The following LIPA variants were observed in gnomAD, a reference collection of about 807,000 sequenced individuals.
LIPA encodes lysosomal acid lipase/cholesteryl ester hydrolase.
A neutral mutation model predicts 40.6 loss-of-function variants in LIPA; 26 were observed. That is an observed-to-expected ratio of 0.64 (90% CI 0.47 to 0.89). The LOEUF is 0.89. LIPA is among the 40% of genes least tolerant of loss of function. The probability of loss-of-function intolerance (pLI) is 0.00; values close to 1 mark genes in which losing one functional copy is unlikely to be tolerated. For synonymous variants in LIPA, 188 were observed against 168.4 expected (o/e 1.12, Z -0.90); for missense variants, 455 against 479.6 (o/e 0.95, Z 0.48).
At chr10:89,259,523 T>C (rs1564770965) in intron 1 of LIPA, among the ~76,000 whole-genome samples, 1 of 152,234 alleles carries the variant, frequency 6.6e-6, no homozygotes, top group Non-Finnish European at 1.5e-5. Context: ...ATATCTACCA[T>C]ATGGCCCAGC....
At chr10:89,228,130 G>T in intron 4 of LIPA, 70 bp downstream of exon 4, 2 of 1,327,116 alleles carry the variant, frequency 1.5e-6, no homozygotes, top group Middle Eastern at 1.8e-4. Context: ...TACCTCTTCT[G>T]CTGGAAGCCT....
At chr10:89,262,974 A>G (rs530399321) in intron 1 of LIPA, among the ~76,000 whole-genome samples, 1 of 152,348 alleles carries the variant, frequency 6.6e-6, no homozygotes, top group African/African-American at 2.4e-5. Flanking sequence ...ACATACTAAC[A>G]TGTTGCTGTT....
intron 1 of LIPA, among the ~76,000 whole-genome samples, chr10:89,323,786 T>C (rs1028147395): frequency 2.0e-5 from 3 of 152,106 alleles, no homozygotes; most frequent in African/African-American, 4.8e-5. Context: ...AAATCAGAGA[T>C]GACACAAACA....
chr10:89,298,635 C>T (rs1843428780), intron 1 of LIPA, among the ~76,000 whole-genome samples: 1 of 152,100 alleles, frequency 6.6e-6, no homozygotes, highest in South Asian at 2.1e-4. Flanking sequence ...ATGATACCTT[C>T]AAAGGAATAC....
At chr10:89,412,761 C>A in intron 2 of LIPA, 1 of 436,492 alleles carries the variant, frequency 2.3e-6, no homozygotes, top group South Asian at 1.6e-5. Context: ...TGCAGCTGCA[C>A]TCCTGAAGTC....
intron 7 of LIPA, 126 bp downstream of exon 7, chr10:89,223,558 G>T: frequency 1.2e-6 from 1 of 832,258 alleles, no homozygotes; most frequent in Non-Finnish European, 2.0e-6. Context: ...TCATGCTTGT[G>T]CCTCTCAAAT....
Position 89,214,910 on chromosome 10 carries a change from T to C in LIPA, c.1118A>G (p.Glu373Gly). Residue 373 changes from glutamate (E) to glycine (G), a missense_variant, in exon 10 of 10, where the codon GAG becomes GGG. Coordinates refer to ENST00000336233, the MANE Select transcript of LIPA (RefSeq NM_000235.4). Reference protein sequence around the residue: ...LVFHESIPEWEHLDFIWGLDA... With the variant: ...LVFHESIPEWGHLDFIWGLDA... Reference sequence around the variant, plus strand: ...CAGGCCCCAAATGAAGTCAAGATGCTCCCATTCCGGAATGCTCTCATGGAA... The same window carrying C: ...CAGGCCCCAAATGAAGTCAAGATGCCCCCATTCCGGAATGCTCTCATGGAA... The C allele has an allele frequency of 6.2e-7, 1 of 1,614,092 alleles. No individual in the cohort carries two copies.
intron 2 of LIPA, among the ~76,000 whole-genome samples, chr10:89,408,112 C>T (rs906411994): frequency 7.2e-5 from 11 of 152,140 alleles, no homozygotes; most frequent in Admixed American, 2.6e-4. Context: ...AGAAGGAAAA[C>T]ACTCAGGTAT....
At position 89,403,465 on chromosome 10, in the gene LIPA, A is replaced by G. The variant is rs762138107; in HGVS notation, c.61+9326T>C. On this transcript the variant is annotated intron_variant, in intron 2 of 8. Coordinates refer to the LIPA transcript ENST00000371837. Reference sequence around the variant, plus strand: ...GAATTTCAAAAGAAATCTGACGTCAATGCAATTATCCATTATTTAAAAGCT... The same window carrying G: ...GAATTTCAAAAGAAATCTGACGTCAGTGCAATTATCCATTATTTAAAAGCT... The G allele has an allele frequency of 1.6e-5, 26 of 1,613,364 alleles. No homozygotes were observed. The highest frequency in any genetic ancestry group is 6.6e-5 in the South Asian group (6 of 90,926).
At chr10:89,216,384 C>T (rs1842626485) in intron 8 of LIPA, among the ~76,000 whole-genome samples, 1 of 148,822 alleles carries the variant, frequency 6.7e-6, no homozygotes, top group Non-Finnish European at 1.5e-5. Flanking sequence ...TAAAGGTAGA[C>T]AGATAGGTAG....
chr10:89,299,172 C>G (rs1843431553), intron 1 of LIPA, among the ~76,000 whole-genome samples: 1 of 151,472 alleles, frequency 6.6e-6, no homozygotes, highest in African/African-American at 2.4e-5. Context: ...AACTGAAATT[C>G]TGGAACTGAA....
intron 1 of LIPA, chr10:89,332,455 G>C: frequency 2.7e-6 from 4 of 1,460,528 alleles, no homozygotes; most frequent in Non-Finnish European, 3.6e-6. Context: ...CCCTCAAGAG[G>C]GATCTTGATA....
chr10:89,387,184 C>T (rs193014363), intron 2 of LIPA, among the ~76,000 whole-genome samples: 3,298 of 151,882 alleles, frequency 0.022, 64 homozygotes, highest in Non-Finnish European at 0.034. Flanking sequence ...GGCGTGGTGG[C>T]GGGCGCCTAT....
chr10:89,285,842 G>A (rs1316263600), intron 1 of LIPA, among the ~76,000 whole-genome samples: 1 of 150,928 alleles, frequency 6.6e-6, no homozygotes, highest in African/African-American at 2.4e-5. Flanking sequence ...TGGGGTGCAA[G>A]AACCCCCCAC....
At chr10:89,403,622 G>T (rs1031885469) in intron 2 of LIPA, 2 of 1,613,954 alleles carry the variant, frequency 1.2e-6, no homozygotes, top group Admixed American at 3.3e-5. Flanking sequence ...TCTACAAATT[G>T]GAAGGAAATA....
chr10:89,307,574 G>A (rs2133523206), intron 1 of LIPA: 1 of 506,034 alleles, frequency 2.0e-6, no homozygotes, highest in Non-Finnish European at 3.5e-6. Context: ...AGAGGGACCA[G>A]ATTGGGGGGT....
intron 2 of LIPA, among the ~76,000 whole-genome samples, chr10:89,359,818 C>CACAT (rs1844010731): frequency 7.0e-6 from 1 of 142,354 alleles, no homozygotes; most frequent in East Asian, 2.0e-4. Context: ...CTCTCTCTCA[C>CACAT]ACACACACAC....
At chr10:89,309,931 CT>C (rs1425865073) in intron 1 of LIPA, among the ~76,000 whole-genome samples, 10 of 152,172 alleles carry the variant, frequency 6.6e-5, no homozygotes, top group Admixed American at 6.5e-4. Context: ...CGGCAAGCCC[CT>C]AGTAGATGTC....
intron 1 of LIPA, among the ~76,000 whole-genome samples, chr10:89,279,871 G>C (rs1038894738): frequency 2.6e-5 from 4 of 152,108 alleles, no homozygotes; most frequent in Non-Finnish European, 5.9e-5. Flanking sequence ...GAAGCATCTG[G>C]TCAATTTCTT....
Sources: gnomAD v4.1 joint callset for allele counts (sites outside exome capture counted in the v4.1 genomes callset) on GRCh38, gnomAD v4.1.1 for gene constraint, MANE v1.5 for transcripts, NCBI Gene and HGNC (gene_info 2026-07-23, HGNC 2026-07-21) for gene names.